Variants in DOCK3 observed in about 807,000 individuals in gnomAD.
DOCK3 encodes the protein dedicator of cytokinesis 3, also known as dedicator of cytokinesis protein 3.
DOCK3 carries 60 observed loss-of-function variants against 265.6 expected under a neutral mutation model. The ratio of observed to expected loss-of-function variants is 0.23; its 90% CI spans 0.18 to 0.28. DOCK3 has a LOEUF of 0.28. DOCK3 is among the 10% of genes least tolerant of loss of function. DOCK3 has a pLI of 1.00. For synonymous variants in DOCK3, 881 were observed against 938.0 expected (o/e 0.94, Z 1.11); for missense variants, 1,981 against 2,594.3 (o/e 0.76, Z 5.14).
At position 50,842,341 on chromosome 3, in the gene DOCK3, G is replaced by A. The variant is rs573641109; in HGVS notation, c.162+626G>A. ...TGTATGTTTCTGTAGCTTAATATTT[G>A]ATGCAGTATGTTTTTGTTTGTATAG... On this transcript the variant is annotated intron_variant, in intron 3 of 52. Transcript: ENST00000266037. 5.9e-5 allele frequency among the ~76,000 whole-genome samples: 9 copies of A among 152,054 alleles called. No homozygotes were observed. The East Asian group carries it at 1.4e-3, about 23-fold the overall frequency.
intron 3 of DOCK3, among the ~76,000 whole-genome samples, chr3:50,880,420 T>G (rs1394890786): frequency 6.6e-6 from 1 of 151,856 alleles, no homozygotes; most frequent in Non-Finnish European, 1.5e-5. Flanking sequence ...ATCAAATAGA[T>G]GCAATACAAA....
At chr3:51,216,275 A>G (rs2089781980) in intron 14 of DOCK3, among the ~76,000 whole-genome samples, 1 of 152,224 alleles carries the variant, frequency 6.6e-6, no homozygotes, top group African/African-American at 2.4e-5. Context: ...TCAAAACCTC[A>G]TCTGTGGAAA....
At chr3:50,871,378 G>A (rs1421601246) in intron 3 of DOCK3, among the ~76,000 whole-genome samples, 1 of 149,334 alleles carries the variant, frequency 6.7e-6, no homozygotes, top group Non-Finnish European at 1.5e-5. Flanking sequence ...AAAGTTTGTT[G>A]TTAGACATGT....
intron 2 of DOCK3, among the ~76,000 whole-genome samples, chr3:50,810,053 T>G (rs2043648458): frequency 6.6e-6 from 1 of 152,140 alleles, no homozygotes; most frequent in Non-Finnish European, 1.5e-5. Context: ...GAGGATTGCT[T>G]GAGCCCAGGA....
intron 5 of DOCK3, among the ~76,000 whole-genome samples, chr3:51,020,914 CT>C (rs1430158542): frequency 1.3e-5 from 2 of 151,734 alleles, no homozygotes; most frequent in African/African-American, 4.9e-5. Flanking sequence ...ATGCCTGCAG[CT>C]TTGTTCTTTT....
At chr3:51,263,402 C>T (rs1038091849) in intron 23 of DOCK3, among the ~76,000 whole-genome samples, 1 of 152,146 alleles carries the variant, frequency 6.6e-6, no homozygotes, top group Non-Finnish European at 1.5e-5. Flanking sequence ...GCCTGCCTTA[C>T]AAGAGCTCCT....
intron 1 of DOCK3, among the ~76,000 whole-genome samples, chr3:50,757,699 G>A (rs1286676086): frequency 1.3e-5 from 2 of 151,796 alleles, no homozygotes; most frequent in Admixed American, 6.6e-5. Context: ...CAAATTCAAG[G>A]CCATAAAGAT....
intron 51 of DOCK3, 98 bp downstream of exon 51, chr3:51,375,933 T>C (rs939178355): frequency 8.0e-7 from 1 of 1,244,178 alleles, no homozygotes; most frequent in East Asian, 2.3e-5. Flanking sequence ...AAGCCATACT[T>C]CAACACTCAG....
At chr3:50,861,145 G>C (rs2046889778) in intron 3 of DOCK3, among the ~76,000 whole-genome samples, 2 of 152,130 alleles carry the variant, frequency 1.3e-5, no homozygotes, top group Admixed American at 6.5e-5. Context: ...GGGTGGTGGA[G>C]GATCTCCTGG....
chr3:50,765,192 C>T (rs1470012726), intron 1 of DOCK3, among the ~76,000 whole-genome samples: 1 of 147,764 alleles, frequency 6.8e-6, no homozygotes, highest in South Asian at 2.1e-4. Context: ...AGTGATTCTC[C>T]TGCCTCAGCC....
At chr3:50,679,141 A>T (rs950514317) in intron 1 of DOCK3, among the ~76,000 whole-genome samples, 1 of 151,874 alleles carries the variant, frequency 6.6e-6, no homozygotes, top group Non-Finnish European at 1.5e-5. Context: ...AATTTTAATT[A>T]AAAAAAATTT....
intron 38 of DOCK3, among the ~76,000 whole-genome samples, chr3:51,346,206 A>G (rs1219763364): frequency 1.3e-5 from 2 of 152,102 alleles, no homozygotes; most frequent in Non-Finnish European, 2.9e-5. Context: ...TTTGTTACAT[A>G]TGTATACTGT....
At chr3:51,336,699 G>A (rs1288889674) in intron 35 of DOCK3, among the ~76,000 whole-genome samples, 4 of 152,214 alleles carry the variant, frequency 2.6e-5, no homozygotes, top group African/African-American at 9.6e-5. Context: ...GCTGTCAGCA[G>A]TGCAGAGGAG....
intron 1 of DOCK3, among the ~76,000 whole-genome samples, chr3:50,745,168 C>T (rs2039343629): frequency 6.6e-6 from 1 of 152,060 alleles, no homozygotes; most frequent in South Asian, 2.1e-4. Context: ...GTCTCAGCCT[C>T]CCAAGTAGCT....
In DOCK3 at chr3:51,214,381, C is replaced by T. The variant is rs1453715214; in HGVS notation, c.1252+134C>T. On this transcript the variant is annotated intron_variant, in intron 14 of 52. Transcript: ENST00000266037. ...AAAATCTCCCACATCCCAAGTCAGG[C>T]TGCTTACTGCAGTCTGCAGTCAATG... The T allele has an allele frequency of 6.2e-6, 8 of 1,287,624 alleles. No individual in the cohort carries two copies. In the Admixed American group the frequency reaches 1.6e-4, roughly 26 times the overall value. 79.8% of individuals were successfully genotyped at this position (1,287,624 alleles called of 1,614,324 possible).
intron 9 of DOCK3, among the ~76,000 whole-genome samples, chr3:51,106,811 TGAATG>T (rs753587342): frequency 6.6e-6 from 1 of 152,212 alleles, no homozygotes; most frequent in Non-Finnish European, 1.5e-5. Flanking sequence ...TTCAAATGCT[TGAATG>T]GAAGCTGGCA....
chr3:51,125,617 TA>T (rs1483194713), intron 9 of DOCK3, among the ~76,000 whole-genome samples: 3 of 152,150 alleles, frequency 2.0e-5, no homozygotes, highest in African/African-American at 7.2e-5. Flanking sequence ...AACAAGTTAA[TA>T]AATATAAATA....
At chr3:50,887,604 G>A (rs1393210312) in intron 3 of DOCK3, among the ~76,000 whole-genome samples, 1 of 89,484 alleles carries the variant, frequency 1.1e-5, no homozygotes, top group East Asian at 2.8e-4. Context: ...ACATCGATGT[G>A]AAAATCCTCA....
intron 28 of DOCK3, 133 bp from the exon 29 acceptor site, chr3:51,311,871 T>G (rs2083082561): frequency 6.6e-6 from 4 of 603,794 alleles, no homozygotes; most frequent in Non-Finnish European, 1.1e-5. Context: ...TCTCTTTCCT[T>G]TATAGTCACA....
Sources: allele counts gnomAD v4.1 joint callset (sites outside exome capture counted in the v4.1 genomes callset), GRCh38; gene constraint gnomAD v4.1.1; transcripts MANE v1.5; gene names NCBI Gene and HGNC (gene_info 2026-07-23, HGNC 2026-07-21).